The following PEX14 variants were observed in gnomAD, a reference collection of about 807,000 sequenced individuals.
PEX14 encodes peroxisomal membrane protein PEX14.
A neutral mutation model predicts 49.5 loss-of-function variants in PEX14; 15 were observed. The ratio of observed to expected loss-of-function variants is 0.30; its 90% CI spans 0.20 to 0.47. PEX14 has a LOEUF of 0.47. PEX14 is among the 20% of genes least tolerant of loss of function. The probability of loss-of-function intolerance (pLI) is 1.00; values close to 1 mark genes in which losing one functional copy is unlikely to be tolerated. For synonymous variants in PEX14, 210 were observed against 212.7 expected (o/e 0.99, Z 0.11); for missense variants, 398 against 494.8 (o/e 0.80, Z 1.86).
intron 2 of PEX14, among the ~76,000 whole-genome samples, chr1:10,515,117 A>G (rs1045222343): frequency 3.3e-5 from 5 of 152,178 alleles, no homozygotes; most frequent in African/African-American, 1.2e-4. Context: ...CTTCACCACA[A>G]TTCATACTGT....
intron 3 of PEX14, among the ~76,000 whole-genome samples, chr1:10,568,472 C>A (rs1282376623): frequency 1.3e-5 from 2 of 151,702 alleles, no homozygotes; most frequent in Admixed American, 6.6e-5. Flanking sequence ...TAATTATTGT[C>A]TTTTGATCTA....
chr1:10,505,359 A>G (rs1641763571), intron 2 of PEX14, among the ~76,000 whole-genome samples: 1 of 151,912 alleles, frequency 6.6e-6, no homozygotes, highest in Admixed American at 6.6e-5. Context: ...AGTCCCAGCT[A>G]CTCTGGAGGC....
In PEX14 at chr1:10,537,347, C is replaced by G. The variant is rs1638844492; in HGVS notation, c.169+1050C>G. Among the ~76,000 whole-genome samples the G allele has an allele frequency of 2.6e-5, 2 of 75,736 alleles. 1 individual carries two copies. The highest frequency in any genetic ancestry group is 9.1e-5 in the African/African-American group (2 of 21,970). 49.7% of individuals were successfully genotyped at this position (75,736 alleles called of 152,430 possible). ...CTGGCTGCATTGTGCCAGCACCCCC[C>G]CCCCCCGCCATCATTAGGAGATTAT... On this transcript the variant is annotated intron_variant, in intron 3 of 8. Transcript: ENST00000356607.
At chr1:10,578,560 G>A (rs1640217471) in intron 3 of PEX14, among the ~76,000 whole-genome samples, 1 of 152,082 alleles carries the variant, frequency 6.6e-6, no homozygotes, top group Admixed American at 6.5e-5. Context: ...CTAGATGTGA[G>A]AAGAAACAGG....
In PEX14 at chr1:10,629,597, G is replaced by C; in HGVS notation, c.744G>C (p.Pro248=). The change falls in exon 9 of 9, where the codon CCG becomes CCC. Residue 248 remains proline, a synonymous_variant. Coordinates refer to ENST00000356607, the MANE Select transcript of PEX14 (RefSeq NM_004565.3). The surrounding 1 kb of genome is among the most constrained non-coding windows in gnomAD (Gnocchi z 8.5). ...CCTGGCAGATCCCAGTCAAGTCACCGTCACCCTCCAGCCCTGCGGCCGTGA... is the reference window on the plus strand; with the variant it reads ...CCTGGCAGATCCCAGTCAAGTCACCCTCACCCTCCAGCCCTGCGGCCGTGA... The part of the protein sequence containing the change: ...IPSWQIPVKS[P]SPSSPAAVNH... 1 of 1,613,980 alleles carries C rather than the reference G, an allele frequency of 6.2e-7. No homozygotes were observed. The highest frequency in any genetic ancestry group is 1.1e-5 in the South Asian group (1 of 91,080).
rs181466748 is a variant in PEX14 at position 10,481,151 on chromosome 1, T to G, written c.36+6149T>G. Among the ~76,000 whole-genome samples the G allele has an allele frequency of 2.6e-5, 4 of 151,592 alleles. 1 individual carries two copies. Among genetic ancestry groups the G allele is most frequent in the Admixed American group, 1.3e-4 (2 of 15,176 alleles). Reference sequence around the variant, plus strand: ...TTTTCCTTTCCTTCCTTTTTTTTTTTGTTTGAGACAGAGTCTTGCTCTGTT... The same window carrying G: ...TTTTCCTTTCCTTCCTTTTTTTTTTGGTTTGAGACAGAGTCTTGCTCTGTT... On this transcript the variant is annotated intron_variant, in intron 1 of 8. Transcript: ENST00000356607.
chr1:10,533,423 G>T (rs1638705037), intron 2 of PEX14, among the ~76,000 whole-genome samples: 1 of 152,118 alleles, frequency 6.6e-6, no homozygotes, highest in Non-Finnish European at 1.5e-5. Flanking sequence ...AGTGTGCCGG[G>T]ACTTTGTCAA....
At chr1:10,553,129 G>A (rs1194817678) in intron 3 of PEX14, among the ~76,000 whole-genome samples, 3 of 152,146 alleles carry the variant, frequency 2.0e-5, no homozygotes, top group African/African-American at 4.8e-5. Context: ...AAGGTAGGGC[G>A]GGCATTTAGG....
chr1:10,511,727 C>T (rs1274284185), intron 2 of PEX14, among the ~76,000 whole-genome samples: 1 of 152,000 alleles, frequency 6.6e-6, no homozygotes, highest in Admixed American at 6.6e-5. Flanking sequence ...TGTGAGACCT[C>T]TGACTTCTGT....
chr1:10,582,759 A>T (rs375613221), intron 3 of PEX14, among the ~76,000 whole-genome samples: 1 of 152,130 alleles, frequency 6.6e-6, no homozygotes, highest in African/African-American at 2.4e-5. Flanking sequence ...TTTGAGATGG[A>T]GTCTCACTCT....
chr1:10,527,900 G>A (rs958641205), intron 2 of PEX14, among the ~76,000 whole-genome samples: 1 of 152,126 alleles, frequency 6.6e-6, no homozygotes, highest in Non-Finnish European at 1.5e-5. Context: ...CAAACTCCTG[G>A]CCTCAACTGG....
chr1:10,630,010 C>A lies in PEX14; in HGVS notation c.*23C>A. 6.2e-7 allele frequency: 1 copy of A among 1,605,502 alleles called. No individual in the cohort carries two copies. Among genetic ancestry groups the A allele is most frequent in the Non-Finnish European group, 8.5e-7 (1 of 1,179,324 alleles). ...TAGGGCTGCGCCTGCTGCCTCCAGC[C>A]CTGAGGATGGCATCTAGTGTGCCCG... On this transcript the variant is annotated 3_prime_UTR_variant, in exon 9 of 9. Coordinates refer to ENST00000356607, the MANE Select transcript of PEX14 (RefSeq NM_004565.3). This position sits in a 1 kb window ranked among gnomAD's most constrained non-coding sequence, Gnocchi z 4.1.
intron 2 of PEX14, among the ~76,000 whole-genome samples, chr1:10,517,295 A>T (rs1307061527): frequency 6.6e-6 from 1 of 151,950 alleles, no homozygotes; most frequent in Non-Finnish European, 1.5e-5. Flanking sequence ...TGGGCAGTGG[A>T]GGTGGGGGTG....
intron 2 of PEX14, among the ~76,000 whole-genome samples, chr1:10,527,515 CAAAA>C (rs1032596691): frequency 3.4e-5 from 3 of 89,130 alleles, no homozygotes; most frequent in African/African-American, 1.0e-4. Context: ...GACTCTGTCT[CAAAA>C]AAAAAAAAAA....
chr1:10,620,972 C>T (rs1328440798), intron 5 of PEX14, among the ~76,000 whole-genome samples: 2 of 152,220 alleles, frequency 1.3e-5, no homozygotes, highest in African/African-American at 2.4e-5. Context: ...GCAGTAGGCA[C>T]TGTCACATGG....
chr1:10,570,854 T>TTTTTGTA, intron 3 of PEX14, among the ~76,000 whole-genome samples: 1 of 144,134 alleles, frequency 6.9e-6, no homozygotes, highest in Non-Finnish European at 1.5e-5. Context: ...CAGGGTTTTT[T>TTTTTGTA]TTTTTTTTTT....
intron 3 of PEX14, among the ~76,000 whole-genome samples, chr1:10,591,895 C>T (rs1160836312): frequency 6.6e-6 from 1 of 152,170 alleles, no homozygotes; most frequent in Admixed American, 6.5e-5. Flanking sequence ...TTCTGGGGCT[C>T]ACATGGGCTG....
intron 3 of PEX14, among the ~76,000 whole-genome samples, chr1:10,582,008 C>T (rs1468463469): frequency 4.1e-5 from 2 of 48,304 alleles, no homozygotes; most frequent in Non-Finnish European, 1.3e-4. Flanking sequence ...CCCACTTTCT[C>T]ATGATTAAAT....
chr1:10,568,443 A>G (rs1228944515), intron 3 of PEX14, among the ~76,000 whole-genome samples: 2 of 151,200 alleles, frequency 1.3e-5, no homozygotes, highest in African/African-American at 4.9e-5. Context: ...GTCCTTTATC[A>G]CTTACAGAAA....
Sources: gnomAD v4.1 joint callset for allele counts (sites outside exome capture counted in the v4.1 genomes callset) on GRCh38, gnomAD v4.1.1 for gene constraint, Gnocchi (gnomAD v3.1) non-coding constraint, MANE v1.5 for transcripts, NCBI Gene and HGNC (gene_info 2026-07-23, HGNC 2026-07-21) for gene names.